Variants in ABCA13 observed in about 807,000 individuals in gnomAD.
The protein encoded by ABCA13 is ATP-binding cassette sub-family A member 13.
A neutral mutation model predicts 478.7 loss-of-function variants in ABCA13; 476 were observed. The observed-to-expected ratio is 0.99, with a 90% CI of 0.92 to 1.07. The LOEUF (loss-of-function observed/expected upper bound fraction) is 1.07. Among genes scored for constraint, ABCA13 ranks in the 50% least tolerant of loss-of-function variants. The probability of loss-of-function intolerance (pLI) is 0.00; values close to 1 mark genes in which losing one functional copy is unlikely to be tolerated. For missense variants in ABCA13, 6,060 were observed against 5,910.6 expected, an observed-to-expected ratio of 1.03 and a Z score of -0.83; for synonymous variants, 2,252 against 2,158.9, an observed-to-expected ratio of 1.04 and a Z score of -1.20.
chr7:48,403,928 C>T lies in ABCA13; in HGVS notation c.12070+49C>T, dbSNP rs367816814. On this transcript the variant is annotated intron_variant, in intron 39 of 61. Transcript: ENST00000435803. The stretch of plus-strand genomic sequence containing the variant: ...CTTCTCTTCCCACAATATTGTGTTG[C>T]AGGAAATGCATTGCTACTGTACAGT... 2,822 of 1,563,994 alleles carry T rather than the reference C, an allele frequency of 1.8e-3. 3 individuals are homozygous for T. Among genetic ancestry groups the T allele is most frequent in the Non-Finnish European group, 2.3e-3 (2,613 of 1,149,672 alleles).
rs758427279 is a variant in ABCA13, at chr7:48,644,618, G to T, written c.14945G>T (p.Gly4982Val). 19 of 1,592,740 alleles carry T rather than the reference G, an allele frequency of 1.2e-5. No individual in the cohort carries two copies. The highest frequency in any genetic ancestry group is 9.2e-5 in the South Asian group (8 of 86,852). The change falls in exon 61 of 62, where the codon GGA (glycine) becomes GTA (valine). Residue 4982 changes from glycine to valine, a missense_variant and splice_region_variant. By Grantham distance (109) the Gly-to-Val change is moderately radical. Coordinates refer to ENST00000435803, the MANE Select transcript of ABCA13 (RefSeq NM_152701.5). ...TTTTTTTTTTTTTTTTGCTTTTAGG[G>T]ACAGCACCTGAATTTATTAGAATAT... is the stretch of plus-strand genomic sequence containing the variant. ...KLYFPGIQFK[G>V]QHLNLLEYHV...
intron 3 of ABCA13, among the ~76,000 whole-genome samples, chr7:48,216,200 C>G (rs554483706): frequency 6.6e-6 from 1 of 152,140 alleles, no homozygotes; most frequent in Non-Finnish European, 1.5e-5. Context: ...TACCATTTTG[C>G]TCTCCCATCA....
At chr7:48,398,946 T>G (rs1407990385) in intron 38 of ABCA13, among the ~76,000 whole-genome samples, 45 of 151,980 alleles carry the variant, frequency 3.0e-4, no homozygotes, top group Admixed American at 2.8e-3. Flanking sequence ...ATGGTGAGGG[T>G]GTGATCAGAC....
chr7:48,422,828 G>A (rs980864377), intron 41 of ABCA13, among the ~76,000 whole-genome samples: 13 of 152,220 alleles, frequency 8.5e-5, no homozygotes, highest in South Asian at 2.1e-4. Context: ...AAGGGGGATC[G>A]AGGAAGGTCA....
At chr7:48,507,439 A>G in intron 49 of ABCA13, among the ~76,000 whole-genome samples, 1 of 152,200 alleles carries the variant, frequency 6.6e-6, no homozygotes, top group Non-Finnish European at 1.5e-5. Flanking sequence ...TCATGTGACT[A>G]AATTCAGAGA....
chr7:48,592,227 C>T (rs990425825), intron 57 of ABCA13, among the ~76,000 whole-genome samples: 24 of 151,604 alleles, frequency 1.6e-4, no homozygotes, highest in African/African-American at 5.8e-4. Context: ...ATGACTTCTT[C>T]CTCAAATCTG....
rs189997357 is a variant in ABCA13 at position 48,222,417 on chromosome 7, A to G, written c.468+1108A>G. ...AGATATAATAATTTTTGGAAAAGCA[A>G]CTTGATTTTCTTGCTCTGTAATTGT... On this transcript the variant is annotated intron_variant, in intron 5 of 61. Transcript: ENST00000435803. 8.7e-4 allele frequency among the ~76,000 whole-genome samples: 132 copies of G among 152,354 alleles called. No individual in the cohort carries two copies. The East Asian group carries it at 0.013, about 15-fold the overall frequency.
chr7:48,638,952 C>G lies in ABCA13; in HGVS notation c.14838-4336C>G, dbSNP rs551216931. ...TACTCAGCTGGAACTGTAACTCCCT[C>G]CATTCCCTTGGAGTTGTGTGACCCA... is the stretch of plus-strand genomic sequence containing the variant. On this transcript the variant is annotated intron_variant, in intron 59 of 61. Coordinates refer to ENST00000435803, the MANE Select transcript of ABCA13 (RefSeq NM_152701.5). Among the ~76,000 whole-genome samples the G allele has an allele frequency of 8.5e-5, 13 of 152,316 alleles. No homozygotes were observed. The South Asian group carries it at 2.7e-3, about 32-fold the overall frequency.
intron 33 of ABCA13, among the ~76,000 whole-genome samples, chr7:48,373,559 T>A (rs182927823): frequency 2.0e-4 from 31 of 152,336 alleles, no homozygotes; most frequent in Admixed American, 1.6e-3. Flanking sequence ...CTTGATTAGC[T>A]TATGTTACAT....
At chr7:48,570,285 G>A (rs967377691) in intron 55 of ABCA13, among the ~76,000 whole-genome samples, 52 of 148,346 alleles carry the variant, frequency 3.5e-4, no homozygotes, top group African/African-American at 1.2e-3. Flanking sequence ...CTCTCTTTTG[G>A]ATACTGATTT....
chr7:48,309,860 C>A, intron 23 of ABCA13, 87 bp from the exon 24 acceptor site: 1 of 1,486,074 alleles, frequency 6.7e-7, no homozygotes, highest in East Asian at 2.3e-5. Flanking sequence ...TCTTGGGCGA[C>A]TCCCTGCCGA....
rs200221851 is a variant in ABCA13, at chr7:48,390,149, C to CT, written c.11654+933dup. On this transcript the variant is annotated intron_variant, in intron 37 of 61. Transcript: ENST00000435803. ...CAGCCAGCCAGTTCCTCTCACCCTGCTTTTACTAAGACACATTTCTTACAA... is the reference window on the plus strand; with the variant it reads ...CAGCCAGCCAGTTCCTCTCACCCTGCTTTTTACTAAGACACATTTCTTACAA... 1.0e-3 allele frequency among the ~76,000 whole-genome samples: 159 copies of CT among 152,292 alleles called. No homozygotes were observed. In the East Asian group the frequency reaches 0.027, roughly 26 times the overall value.
intron 58 of ABCA13, among the ~76,000 whole-genome samples, chr7:48,599,063 A>AT (rs1790596926): frequency 6.6e-6 from 1 of 150,558 alleles, no homozygotes; most frequent in South Asian, 2.1e-4. Flanking sequence ...CAATAATATC[A>AT]TGTTGATTAT....
At chr7:48,579,471 CA>C in intron 55 of ABCA13, among the ~76,000 whole-genome samples, 1 of 152,210 alleles carries the variant, frequency 6.6e-6, no homozygotes, top group African/African-American at 2.4e-5. Context: ...CTGACAATAC[CA>C]AATGTTGACA....
intron 27 of ABCA13, among the ~76,000 whole-genome samples, chr7:48,322,613 G>T (rs572301124): frequency 6.6e-4 from 101 of 152,318 alleles, no homozygotes; most frequent in Admixed American, 2.5e-3. Context: ...CAGCTGTGGG[G>T]GGCTCCAGCT....
At chr7:48,596,159 A>T (rs1790259659) in intron 58 of ABCA13, among the ~76,000 whole-genome samples, 1 of 152,258 alleles carries the variant, frequency 6.6e-6, no homozygotes, top group South Asian at 2.1e-4. Context: ...TGCAAAGCCA[A>T]TGTATTGTGA....
chr7:48,497,525 G>T (rs1830379332), intron 48 of ABCA13, among the ~76,000 whole-genome samples: 1 of 152,104 alleles, frequency 6.6e-6, no homozygotes, highest in Non-Finnish European at 1.5e-5. Context: ...TGTGACTCTG[G>T]ATTCCTTTTC....
intron 58 of ABCA13, among the ~76,000 whole-genome samples, chr7:48,609,533 G>A (rs1791810891): frequency 6.6e-6 from 1 of 152,134 alleles, no homozygotes; most frequent in Admixed American, 6.5e-5. Context: ...GGTAAAGCAT[G>A]GAGCAGGAAA....
chr7:48,314,769 A>T (rs1464061683), intron 26 of ABCA13, among the ~76,000 whole-genome samples: 1 of 152,206 alleles, frequency 6.6e-6, no homozygotes, highest in African/African-American at 2.4e-5. Flanking sequence ...ATAATAACGA[A>T]GAGAACTTGT....
Sources: gnomAD v4.1 joint callset for allele counts (sites outside exome capture counted in the v4.1 genomes callset) on GRCh38, gnomAD v4.1.1 for gene constraint, MANE v1.5 for transcripts, NCBI Gene and HGNC (gene_info 2026-07-23, HGNC 2026-07-21) for gene names.